Variants in HTT observed in about 807,000 individuals in gnomAD.
HTT encodes huntingtin.
Under a neutral mutation model 362.3 loss-of-function variants are expected in HTT, and 104 were observed. That is an observed-to-expected ratio of 0.29 (90% confidence interval 0.24 to 0.34). The LOEUF (loss-of-function observed/expected upper bound fraction) is 0.34. Ranked by LOEUF, HTT falls within the 10% of genes least tolerant of loss-of-function variation. The probability of loss-of-function intolerance (pLI) is 1.00; values close to 1 mark genes in which losing one functional copy is unlikely to be tolerated. For synonymous variants in HTT, 1,577 were observed against 1,548.7 expected (o/e 1.02, Z -0.43); for missense variants, 3,301 against 3,928.6 (o/e 0.84, Z 4.27).
intron 1 of HTT, among the ~76,000 whole-genome samples, chr4:3,078,860 A>G (rs946863368): frequency 1.3e-4 from 20 of 151,796 alleles, no homozygotes; most frequent in African/African-American, 4.6e-4. Context: ...TCAGTCTCCC[A>G]AGTAGCTGGG....
At position 3,143,573 on chromosome 4, in the gene HTT, ATTTACATT is replaced by A. The variant is rs200146023; in HGVS notation, c.3066+700_3066+707del. ...ATATACTAAGGGAAAAATATTTATAATTTACATTTTTACATTTTTATTTTTTTAATTTT... is the reference window on the plus strand; with the variant it reads ...ATATACTAAGGGAAAAATATTTATAATTTACATTTTTATTTTTTTAATTTT... On this transcript the variant is annotated intron_variant, in intron 23 of 66. Coordinates refer to ENST00000355072, the MANE Select transcript of HTT (RefSeq NM_001388492.1). Among the ~76,000 whole-genome samples the A allele has an allele frequency of 5.5e-3, 839 of 151,786 alleles. 4 individuals carry two copies. Among genetic ancestry groups the A allele is most frequent in the Non-Finnish European group, 8.1e-3 (553 of 67,924 alleles).
chr4:3,172,467 A>C (rs1718036207), intron 30 of HTT, 70 bp downstream of exon 30: 1 of 980,664 alleles, frequency 1.0e-6, no homozygotes, highest in African/African-American at 1.6e-5. Context: ...GCTACTCCTT[A>C]AGAGGCAGGC....
At chr4:3,117,785 A>T (rs1309439329) in intron 8 of HTT, among the ~76,000 whole-genome samples, 1 of 152,186 alleles carries the variant, frequency 6.6e-6, no homozygotes, top group African/African-American at 2.4e-5. Flanking sequence ...GTGATCCATG[A>T]TTGTACCACT....
intron 16 of HTT, 127 bp downstream of exon 16, chr4:3,131,902 T>G: frequency 4.7e-6 from 4 of 844,962 alleles, no homozygotes; most frequent in Non-Finnish European, 7.3e-6. Context: ...TGACCTGCGT[T>G]GTAGCTCTTC....
In HTT at chr4:3,184,516, C is replaced by T. The variant is rs187541910; in HGVS notation, c.4866+2046C>T. ...GGCACTGGAGTGGAATGGCCCAAGT[C>T]AGCATCCCTTGGCAGCATGAAAGCA... On this transcript the variant is annotated intron_variant, in intron 37 of 66. Transcript: ENST00000355072. 1.7e-3 allele frequency among the ~76,000 whole-genome samples: 257 copies of T among 152,134 alleles called. 2 individuals carry two copies. Among genetic ancestry groups the T allele is most frequent in the Admixed American group, 3.1e-3 (47 of 15,296 alleles).
intron 1 of HTT, among the ~76,000 whole-genome samples, chr4:3,084,198 CTTTTTTTTTTTT>C (rs4038024): frequency 2.4e-5 from 2 of 81,958 alleles, no homozygotes; most frequent in Non-Finnish European, 4.7e-5. Context: ...AATGCTTTGT[CTTTTTTTTTTTT>C]TTTTTTTTTT....
chr4:3,177,305 T>C (rs752834497), intron 33 of HTT, 27 bp from the exon 34 acceptor site: 35 of 1,489,548 alleles, frequency 2.3e-5, no homozygotes, highest in Non-Finnish European at 3.3e-5. Flanking sequence ...CTATTATTGA[T>C]GTGAAATTTT....
intron 29 of HTT, among the ~76,000 whole-genome samples, chr4:3,160,723 G>A (rs936158054): frequency 2.0e-5 from 3 of 152,064 alleles, no homozygotes; most frequent in African/African-American, 7.2e-5. Context: ...CAAAACAGAC[G>A]GGTAAGGGGG....
chr4:3,111,865 C>G lies in HTT; in HGVS notation c.748-3439C>G, dbSNP rs189460828. ...CTATTTCACCCTCTCCATCCCTCCA[C>G]TTTCAGATGTATGTGGCGCCTCCAA... On this transcript the variant is annotated intron_variant, in intron 6 of 66. Coordinates refer to ENST00000355072, the MANE Select transcript of HTT (RefSeq NM_001388492.1). 4.6e-4 allele frequency among the ~76,000 whole-genome samples: 70 copies of G among 152,312 alleles called. 1 individual carries two copies. Among genetic ancestry groups the G allele is most frequent in the South Asian group, 3.5e-3 (17 of 4,824 alleles).
At chr4:3,143,028 G>A (rs1716421994) in intron 23 of HTT, 142 bp downstream of exon 23, 2 of 607,812 alleles carry the variant, frequency 3.3e-6, no homozygotes, top group African/African-American at 3.6e-5. Context: ...AAGAAATTGT[G>A]CTTCTGTGAA....
At chr4:3,173,822 T>C (rs1442763933) in intron 31 of HTT, among the ~76,000 whole-genome samples, 1 of 151,944 alleles carries the variant, frequency 6.6e-6, no homozygotes, top group African/African-American at 2.4e-5. Flanking sequence ...GCGCCTGCCA[T>C]CACGCCTGGC....
rs200112468 is a variant in HTT, at chr4:3,239,993, C to T, written c.9363C>T (p.Ala3121=). The change falls in exon 67 of 67, where the codon GCC becomes GCT. Residue 3121 remains alanine, a synonymous_variant. Coordinates refer to ENST00000355072, the MANE Select transcript of HTT (RefSeq NM_001388492.1). ...AFQSVLEVVA[A]PGSPYHRLLT... ...AGTCTGTGCTTGAGGTGGTTGCAGC[C>T]CCAGGAAGCCCATATCACCGGCTGC... The T allele has an allele frequency of 7.5e-6, 12 of 1,601,144 alleles. No homozygotes were observed. The highest frequency in any genetic ancestry group is 6.8e-5 in the Admixed American group (4 of 58,422).
intron 39 of HTT, chr4:3,188,741 C>T: frequency 5.8e-6 from 3 of 519,518 alleles, no homozygotes; most frequent in Non-Finnish European, 1.0e-5. Flanking sequence ...AAAATGCTAC[C>T]TGCCATTTCA....
intron 35 of HTT, among the ~76,000 whole-genome samples, chr4:3,178,704 T>G (rs1272059332): frequency 6.6e-6 from 1 of 152,210 alleles, no homozygotes; most frequent in African/African-American, 2.4e-5. Context: ...ACAGATAGAT[T>G]CTGAATATAA....
chr4:3,162,523 C>T (rs187274768), intron 29 of HTT, among the ~76,000 whole-genome samples: 2 of 152,292 alleles, frequency 1.3e-5, no homozygotes, highest in East Asian at 1.9e-4. Flanking sequence ...GGCAGCAAGG[C>T]CATTTTCACG....
chr4:3,086,833 A>T (rs2110141871), intron 1 of HTT, 106 bp from the exon 2 acceptor site: 4 of 660,652 alleles, frequency 6.1e-6, no homozygotes. Flanking sequence ...ATAACGGTTT[A>T]TTCATAGTAG....
chr4:3,081,808 C>T (rs1386045377), intron 1 of HTT, among the ~76,000 whole-genome samples: 1 of 151,788 alleles, frequency 6.6e-6, no homozygotes, highest in African/African-American at 2.4e-5. Flanking sequence ...CCACCCGCCT[C>T]AGCCTCCCAA....
At position 3,241,754 on chromosome 4, in the gene HTT, G is replaced by GAAAGGGAGCCCTTGCTC. The variant is rs1553922417; in HGVS notation, c.*1706_*1707insTTGCTCAAAGGGAGCCC. On this transcript the variant is annotated 3_prime_UTR_variant, in exon 67 of 67. Transcript: ENST00000355072. ...CTGCCCACATACGTGAGGGGGAGCTGAAAGGGAGCCCCTCCTCTGAGCAGC... is the reference window on the plus strand; with the variant it reads ...CTGCCCACATACGTGAGGGGGAGCTGAAAGGGAGCCCTTGCTCAAAGGGAGCCCCTCCTCTGAGCAGC... 6.6e-6 allele frequency: 1 copy of GAAAGGGAGCCCTTGCTC among 151,908 alleles called. No individual in the cohort carries two copies. Among genetic ancestry groups the GAAAGGGAGCCCTTGCTC allele is most frequent in the African/African-American group, 2.4e-5 (1 of 41,246 alleles). The allele number at this position is 151,908 out of a possible 1,614,324, so 9.4% of individuals were successfully genotyped here.
intron 25 of HTT, 43 bp from the exon 26 acceptor site, chr4:3,147,962 A>G (rs1295150581): frequency 9.3e-6 from 14 of 1,497,882 alleles, no homozygotes; most frequent in Non-Finnish European, 1.3e-5. Context: ...TGTCCTTCCC[A>G]TGCTATTGGG....
Sources: allele counts gnomAD v4.1 joint callset (sites outside exome capture counted in the v4.1 genomes callset), GRCh38; gene constraint gnomAD v4.1.1; transcripts MANE v1.5; gene names NCBI Gene and HGNC (gene_info 2026-07-23, HGNC 2026-07-21).